Variants in TRIM33 observed in about 807,000 individuals in gnomAD.
The protein encoded by TRIM33 is tripartite motif containing 33.
In TRIM33, 20 loss-of-function variants were observed where a neutral mutation model predicts 125.4. The observed-to-expected ratio is 0.16, with a 90% CI of 0.11 to 0.23. TRIM33 has a LOEUF of 0.23. TRIM33 is among the 10% of genes least tolerant of loss of function. TRIM33 has a pLI of 1.00. For missense variants in TRIM33, 920 were observed against 1,411.4 expected (o/e 0.65, Z 5.58); for synonymous variants, 564 against 513.9 (o/e 1.10, Z -1.32).
chr1:114,507,285 G>A (rs938089065), intron 1 of TRIM33, among the ~76,000 whole-genome samples: 5 of 152,174 alleles, frequency 3.3e-5, no homozygotes, highest in African/African-American at 4.8e-5. Flanking sequence ...TCCGGAATGC[G>A]GCCCAAGAAT....
chr1:114,488,811 C>T (rs532675081), intron 1 of TRIM33, among the ~76,000 whole-genome samples: 14 of 152,124 alleles, frequency 9.2e-5, no homozygotes, highest in South Asian at 8.3e-4. Context: ...AGAACCAAAA[C>T]GATCTTGAAA....
At chr1:114,428,349 A>C (rs1192438756) in intron 6 of TRIM33, among the ~76,000 whole-genome samples, 1 of 152,240 alleles carries the variant, frequency 6.6e-6, no homozygotes, top group Non-Finnish European at 1.5e-5. Context: ...ACAAAATGAA[A>C]AAGATAACTT....
rs190424746 is a variant in TRIM33 at position 114,466,206 on chromosome 1, A to G, written c.527-1818T>C. Reference sequence around the variant, plus strand: ...AAAACCTCTTGAGAAAGTGTATTATATAAAACTACAAAGAAGATAAGTATA... The same window carrying G: ...AAAACCTCTTGAGAAAGTGTATTATGTAAAACTACAAAGAAGATAAGTATA... On this transcript the variant is annotated intron_variant, in intron 1 of 19. Transcript: ENST00000358465. Among the ~76,000 whole-genome samples, 120 of 152,356 alleles carry G rather than the reference A, an allele frequency of 7.9e-4. 1 individual carries two copies. The highest frequency in any genetic ancestry group is 2.8e-3 in the African/African-American group (116 of 41,582).
At chr1:114,429,937 C>A (rs1415203718) in intron 6 of TRIM33, among the ~76,000 whole-genome samples, 1 of 152,004 alleles carries the variant, frequency 6.6e-6, no homozygotes, top group East Asian at 1.9e-4. Flanking sequence ...ATTTCATGAA[C>A]TGACTAGATT....
intron 4 of TRIM33, among the ~76,000 whole-genome samples, chr1:114,457,942 G>A (rs2101348237): frequency 6.6e-6 from 1 of 152,296 alleles, no homozygotes; most frequent in African/African-American, 2.4e-5. Context: ...AAAGACACTG[G>A]TAAAATTCAA....
At chr1:114,484,934 C>A (rs71664849) in intron 1 of TRIM33, among the ~76,000 whole-genome samples, 20,363 of 151,956 alleles carry the variant, frequency 0.13, 1,755 homozygotes, top group Non-Finnish European at 0.19. Context: ...TGCCTGTAAT[C>A]CCACCTACTC....
chr1:114,456,954 A>G (rs77615432), intron 4 of TRIM33, among the ~76,000 whole-genome samples: 1,567 of 152,302 alleles, frequency 0.01, 25 homozygotes, highest in African/African-American at 0.036. Context: ...AGAAATAACC[A>G]GAGTAGAAGC....
At chr1:114,414,840 GTCCT>G (rs1003272724) in intron 11 of TRIM33, among the ~76,000 whole-genome samples, 3 of 151,994 alleles carry the variant, frequency 2.0e-5, no homozygotes, top group Non-Finnish European at 4.4e-5. Flanking sequence ...CGTAATAGTG[GTCCT>G]TCCTCCCAAA....
intron 4 of TRIM33, among the ~76,000 whole-genome samples, chr1:114,461,475 G>GA (rs1649997443): frequency 6.6e-6 from 1 of 151,422 alleles, no homozygotes; most frequent in African/African-American, 2.4e-5. Context: ...AAGCTGGCGA[G>GA]AATCAGTCAA....
chr1:114,408,844 T>G, intron 12 of TRIM33, 104 bp from the exon 13 acceptor site: 1 of 795,744 alleles, frequency 1.3e-6, no homozygotes, highest in Non-Finnish European at 2.0e-6. Context: ...GCTAAAAAAT[T>G]ATTGGAAATC....
intron 4 of TRIM33, among the ~76,000 whole-genome samples, chr1:114,454,792 C>G (rs1649528634): frequency 6.6e-6 from 1 of 152,048 alleles, no homozygotes; most frequent in Non-Finnish European, 1.5e-5. Context: ...GCTCAGACTT[C>G]AGCCAGTCTG....
At position 114,401,668 on chromosome 1, in the gene TRIM33, TTAAG is replaced by T. The variant is rs199755801; in HGVS notation, c.2893-209_2893-206del. On this transcript the variant is annotated intron_variant, in intron 16 of 19. Coordinates refer to ENST00000358465, the MANE Select transcript of TRIM33 (RefSeq NM_015906.4). The stretch of plus-strand genomic sequence containing the variant: ...TTTTCAGACTATCTTTTGTTCTACT[TTAAG>T]TAAGAATGGAAGATAACTAAGGTAA... 8.2e-3 allele frequency among the ~76,000 whole-genome samples: 1,244 copies of T among 152,312 alleles called. 5 individuals are homozygous for T. The highest frequency in any genetic ancestry group is 0.013 in the Non-Finnish European group (910 of 68,020).
chr1:114,424,874 A>G, intron 9 of TRIM33, 119 bp from the exon 10 acceptor site: 1 of 737,224 alleles, frequency 1.4e-6, no homozygotes, highest in Non-Finnish European at 2.0e-6. Flanking sequence ...AAAAAGTATA[A>G]ATAATTCTTA....
intron 1 of TRIM33, among the ~76,000 whole-genome samples, chr1:114,506,738 C>T (rs2101585822): frequency 6.6e-6 from 1 of 152,314 alleles, no homozygotes; most frequent in Admixed American, 6.5e-5. Flanking sequence ...CACAAAAACA[C>T]TTTAAAAAGC....
At position 114,421,409 on chromosome 1, in the gene TRIM33, G is replaced by T. The variant is rs746220076; in HGVS notation, c.2061+27C>A. 3.8e-6 allele frequency: 6 copies of T among 1,582,122 alleles called. No homozygotes were observed. In the African/African-American group the frequency reaches 6.7e-5, roughly 18 times the overall value. On this transcript the variant is annotated intron_variant, in intron 11 of 19. Coordinates refer to ENST00000358465, the MANE Select transcript of TRIM33 (RefSeq NM_015906.4). Reference sequence around the variant, plus strand: ...CTCTGTAATTAACATTAAGTTTAATGAAGCCTCATTCAACTCAAATACAAA... The same window carrying T: ...CTCTGTAATTAACATTAAGTTTAATTAAGCCTCATTCAACTCAAATACAAA...
At chr1:114,475,710 A>G (rs971486012) in intron 1 of TRIM33, among the ~76,000 whole-genome samples, 3 of 152,026 alleles carry the variant, frequency 2.0e-5, no homozygotes, top group Non-Finnish European at 2.9e-5. Flanking sequence ...TAACAAAGCA[A>G]AAGAGAATGC....
rs530947722 is a variant in TRIM33 at position 114,510,771 on chromosome 1, G to A, written c.306C>T (p.Ala102=). The A allele has an allele frequency of 3.7e-5, 56 of 1,521,888 alleles. No individual in the cohort carries two copies. Among genetic ancestry groups the A allele is most frequent in the South Asian group, 3.4e-4 (28 of 82,306 alleles). 94.3% of individuals were successfully genotyped at this position (1,521,888 alleles called of 1,614,324 possible). A position where few individuals can be genotyped will look rare whatever the true frequency, so the allele number is the denominator to read the frequency against. ...CCGAGGGACCCGGAGCGGGAGCCGA[G>A]GCTGGAGCTGGAGCCGGCGTCGATA... The part of the protein sequence containing the change: ...GAVSTPAPAP[A]SAPAPGPSAG... Residue 102 remains alanine, a synonymous_variant, in exon 1 of 20, where the codon GCC becomes GCT. Transcript: ENST00000358465.
chr1:114,508,372 G>T (rs576342696), intron 1 of TRIM33, among the ~76,000 whole-genome samples: 6 of 151,990 alleles, frequency 3.9e-5, no homozygotes, highest in Non-Finnish European at 8.8e-5. Context: ...CTGTATTTCT[G>T]GGTTCCCTCT....
intron 1 of TRIM33, among the ~76,000 whole-genome samples, chr1:114,490,084 C>CAAAAAAAAAAAAAAAAAAAAAAAAAAAA (rs776451339): frequency 2.7e-5 from 1 of 37,644 alleles, no homozygotes; most frequent in Non-Finnish European, 5.2e-5. Context: ...GACTCCGTCT[C>CAAAAAAAAAAAAAAAAAAAAAAAAAAAA]AAAAAAAAAA....
Sources: gnomAD v4.1 joint callset for allele counts (sites outside exome capture counted in the v4.1 genomes callset) on GRCh38, gnomAD v4.1.1 for gene constraint, MANE v1.5 for transcripts, NCBI Gene and HGNC (gene_info 2026-07-23, HGNC 2026-07-21) for gene names.